GSE1: variants seen among roughly 807,000 people sequenced by gnomAD.
The protein encoded by GSE1 is genetic suppressor element 1.
In GSE1, 32 loss-of-function variants were observed where a neutral mutation model predicts 112.6. That is an observed-to-expected ratio of 0.28 (90% confidence interval 0.21 to 0.38). The LOEUF (loss-of-function observed/expected upper bound fraction) is 0.38. Among genes scored for constraint, GSE1 ranks in the 10% least tolerant of loss-of-function variants. The pLI, the probability that GSE1 is intolerant of heterozygous loss-of-function variation, is 1.00. For missense variants in GSE1, 2,348 were observed against 1,699.2 expected (o/e 1.38, Z -6.71); for synonymous variants, 1,115 against 735.6 (o/e 1.52, Z -8.35).
chr16:85,498,878 G>A (rs940674586), intron 2 of GSE1, among the ~76,000 whole-genome samples: 1 of 152,256 alleles, frequency 6.6e-6, no homozygotes, highest in Non-Finnish European at 1.5e-5. Flanking sequence ...GGCCATTGTG[G>A]TTAGAGCAAC....
chr16:85,583,139 G>A (rs1476555384), intron 1 of GSE1, among the ~76,000 whole-genome samples: 1 of 152,110 alleles, frequency 6.6e-6, no homozygotes, highest in Non-Finnish European at 1.5e-5. Flanking sequence ...TCTGGGGGAC[G>A]GTAGGAAACG....
At chr16:85,303,837 G>C (rs35172015) in intron 1 of GSE1, among the ~76,000 whole-genome samples, 5,595 of 152,348 alleles carry the variant, frequency 0.037, 184 homozygotes, top group African/African-American at 0.083. Flanking sequence ...GGTTGCGAGG[G>C]TTGCATGGGA....
chr16:85,402,538 G>T (rs947869889), intron 2 of GSE1, among the ~76,000 whole-genome samples: 3 of 152,216 alleles, frequency 2.0e-5, no homozygotes, highest in Non-Finnish European at 2.9e-5. Context: ...GCCATGTGGA[G>T]CCGGGGCTGG....
upstream of GSE1, among the ~76,000 whole-genome samples, chr16:85,612,882 A>C (rs1230040751): frequency 1.3e-5 from 2 of 152,122 alleles, no homozygotes; most frequent in African/African-American, 4.8e-5. Context: ...GCTGCGAGAC[A>C]GGGCTCCGCT....
intron 1 of GSE1, among the ~76,000 whole-genome samples, chr16:85,192,597 C>G (rs1449127161): frequency 6.6e-6 from 1 of 152,174 alleles, no homozygotes; most frequent in African/African-American, 2.4e-5. Flanking sequence ...CCATCCTGGG[C>G]CTGTCCCCCT....
rs2053629669 is a variant in GSE1 at position 85,675,443 on chromosome 16, C to T, written c.*2904C>T. The T allele has an allele frequency of 6.6e-6, 1 of 152,124 alleles. No homozygotes were observed. The highest frequency in any genetic ancestry group is 2.4e-5 in the African/African-American group (1 of 41,414). The allele number at this position is 152,124 out of a possible 1,614,324, so 9.4% of individuals were successfully genotyped here. A position where few individuals can be genotyped will look rare whatever the true frequency, so the allele number is the denominator to read the frequency against. ...TAATCTGTTGTCTCAGATAAGTGAC[C>T]AAGACGGGACTTTCCACATTTTAGT... is the stretch of plus-strand genomic sequence containing the variant. On this transcript the variant is annotated 3_prime_UTR_variant, in exon 16 of 16. Transcript: ENST00000253458.
At chr16:85,230,788 A>G (rs1904277089) in intron 1 of GSE1, among the ~76,000 whole-genome samples, 1 of 152,230 alleles carries the variant, frequency 6.6e-6, no homozygotes, top group South Asian at 2.1e-4. Context: ...TGCTGATTAG[A>G]TAAAATGGAA....
At chr16:85,303,346 C>G (rs967768222) in intron 1 of GSE1, among the ~76,000 whole-genome samples, 2 of 152,232 alleles carry the variant, frequency 1.3e-5, no homozygotes, top group Admixed American at 1.3e-4. Flanking sequence ...TCTATGACCC[C>G]TCGGTGGGGA....
chr16:85,269,856 A>G (rs1360121592), intron 1 of GSE1, among the ~76,000 whole-genome samples: 2 of 149,468 alleles, frequency 1.3e-5, no homozygotes, highest in South Asian at 4.2e-4. Flanking sequence ...TGCCCTACAC[A>G]CACGCCATGT....
upstream of GSE1, chr16:85,555,349 C>A (rs1017010459): frequency 9.1e-6 from 9 of 984,878 alleles, no homozygotes; most frequent in Middle Eastern, 1.0e-3. Flanking sequence ...CACCCCCTCT[C>A]TCTGAGTCAG....
intron 1 of GSE1, among the ~76,000 whole-genome samples, chr16:85,218,562 T>C (rs985597268): frequency 6.6e-6 from 1 of 152,230 alleles, no homozygotes; most frequent in African/African-American, 2.4e-5. Flanking sequence ...TGAGCTCAAC[T>C]CTGCCACTTG....
chr16:85,431,591 A>G (rs2049122654), intron 2 of GSE1, among the ~76,000 whole-genome samples: 1 of 152,138 alleles, frequency 6.6e-6, no homozygotes, highest in South Asian at 2.1e-4. Context: ...TGGCCGTGGC[A>G]GCCTCAGAGG....
upstream of GSE1, chr16:85,613,049 G>A (rs898950098): frequency 7.6e-6 from 3 of 396,116 alleles, no homozygotes; most frequent in Admixed American, 5.2e-5. Context: ...CTGGCCGGCC[G>A]GGCCGGGGAG....
At chr16:85,646,644 G>A (rs2151857194) in intron 2 of GSE1, among the ~76,000 whole-genome samples, 1 of 152,298 alleles carries the variant, frequency 6.6e-6, no homozygotes, top group South Asian at 2.1e-4. Flanking sequence ...GGGTGAGCCG[G>A]ACACTGAGCT....
intron 1 of GSE1, among the ~76,000 whole-genome samples, chr16:85,310,045 G>GAGCCCAGGCATA (rs569314445): frequency 6.6e-6 from 1 of 152,236 alleles, no homozygotes; most frequent in East Asian, 1.9e-4. Flanking sequence ...CAGTCGGCCC[G>GAGCCCAGGCATA]AGCCCAGGCA....
At chr16:85,590,886 C>G (rs936903481) in intron 1 of GSE1, among the ~76,000 whole-genome samples, 3 of 152,258 alleles carry the variant, frequency 2.0e-5, no homozygotes, top group South Asian at 2.1e-4. Context: ...CAGGGCTAGC[C>G]GAGAATCCCT....
intron 1 of GSE1, among the ~76,000 whole-genome samples, chr16:85,246,196 A>C: frequency 9.6e-6 from 1 of 104,506 alleles, no homozygotes; most frequent in Non-Finnish European, 1.8e-5. Context: ...AGCTTCAGGG[A>C]CCCTACACAC....
At position 85,657,530 on chromosome 16, in the gene GSE1, G is replaced by C; in HGVS notation, c.1566G>C (p.Val522=). The change falls in exon 8 of 16, where the codon GTG becomes GTC. Residue 522 remains valine, a synonymous_variant. Coordinates refer to ENST00000253458, the MANE Select transcript of GSE1 (RefSeq NM_014615.5). ...QSQVSEFRQQ[V]LEQHLDMGRP... ...AGGTGTCCGAGTTCCGGCAGCAGGT[G>C]CTGGAGCAGCACCTGGATATGGGCC... is the stretch of plus-strand genomic sequence containing the variant. The C allele has an allele frequency of 6.2e-7, 1 of 1,603,278 alleles. No homozygotes were observed. The highest frequency in any genetic ancestry group is 2.2e-5 in the East Asian group (1 of 44,488).
intron 5 of GSE1, among the ~76,000 whole-genome samples, chr16:85,655,361 G>A (rs1446461215): frequency 6.6e-6 from 1 of 152,232 alleles, no homozygotes; most frequent in East Asian, 1.9e-4. Context: ...CCGTGGAGAA[G>A]CTCTGCCCAT....
Sources: allele counts gnomAD v4.1 joint callset (sites outside exome capture counted in the v4.1 genomes callset), GRCh38; gene constraint gnomAD v4.1.1; transcripts MANE v1.5; gene names NCBI Gene and HGNC (gene_info 2026-07-23, HGNC 2026-07-21).